The following TDRD1 variants were observed in gnomAD, a reference collection of about 807,000 sequenced individuals.
TDRD1 encodes the protein tudor domain containing 1.
In TDRD1, 37 loss-of-function variants were observed where a neutral mutation model predicts 140.6. The ratio of observed to expected loss-of-function variants is 0.26; its 90% confidence interval spans 0.20 to 0.35. The LOEUF is 0.35. Among genes scored for constraint, TDRD1 ranks in the 10% least tolerant of loss-of-function variants. The pLI is 1.00. For missense variants in TDRD1, 1,243 were observed against 1,393.0 expected (o/e 0.89, Z 1.71); for synonymous variants, 506 against 475.7 (o/e 1.06, Z -0.83).
Position 114,198,486 on chromosome 10 carries a change from C to T in TDRD1, c.385-687C>T, listed in dbSNP as rs543909682. 2.0e-5 allele frequency among the ~76,000 whole-genome samples: 3 copies of T among 152,226 alleles called. No individual in the cohort carries two copies. The East Asian group carries it at 5.8e-4, about 29-fold the overall frequency. On this transcript the variant is annotated intron_variant, in intron 3 of 25. Transcript: ENST00000251864. Reference sequence around the variant, plus strand: ...CAGGTTGGGGCACCTCATTTGTAGCCTTGTGAGGGTGGAAATCTTGGCCCC... The same window carrying T: ...CAGGTTGGGGCACCTCATTTGTAGCTTTGTGAGGGTGGAAATCTTGGCCCC...
chr10:114,176,753 G>A (rs983166789), upstream of TDRD1, among the ~76,000 whole-genome samples: 9 of 152,048 alleles, frequency 5.9e-5, no homozygotes, highest in Admixed American at 2.6e-4. This position sits in a 1 kb window ranked among gnomAD's most constrained non-coding sequence, Gnocchi z 4.2. Context: ...TAGTCTGGGC[G>A]GCAGAGCAAG....
At chr10:114,217,444 T>C in intron 16 of TDRD1, 101 bp from the exon 17 acceptor site, 1 of 599,610 alleles carries the variant, frequency 1.7e-6, no homozygotes, top group Non-Finnish European at 2.9e-6. Context: ...GGGAGGTACC[T>C]GTCTTGATCA....
At chr10:114,194,929 T>C (rs2120351350) in intron 3 of TDRD1, among the ~76,000 whole-genome samples, 1 of 151,380 alleles carries the variant, frequency 6.6e-6, no homozygotes, top group South Asian at 2.1e-4. Context: ...CTGGCTTTTT[T>C]TTTTTTTTTC....
exon 10 of TDRD1, chr10:114,204,878 G>A (rs1321383107): frequency 6.3e-7 from 1 of 1,587,070 alleles, no homozygotes; most frequent in Non-Finnish European, 8.5e-7. Context: ...TGTAGAAGTT[G>A]AGCTGCCAAA....
At chr10:114,182,961 G>GGT (rs1473325242) in intron 1 of TDRD1, among the ~76,000 whole-genome samples, 2 of 152,114 alleles carry the variant, frequency 1.3e-5, no homozygotes, top group Non-Finnish European at 2.9e-5. Flanking sequence ...TGGGATTACA[G>GGT]GTGTGAGCCA....
intron 3 of TDRD1, among the ~76,000 whole-genome samples, chr10:114,194,881 C>T (rs1358151891): frequency 2.7e-5 from 4 of 149,928 alleles, no homozygotes; most frequent in African/African-American, 4.9e-5. Context: ...TGCTGAGCCT[C>T]CTGGAGTAAT....
rs181081383 is a variant in TDRD1, at chr10:114,186,880, C to T, written c.-6-946C>T. ...AAATGAGATAATAAGTTGTAGGACA[C>T]CAACTGCTATTTATTTTTTTTCTAT... On this transcript the variant is annotated intron_variant, in intron 1 of 25. Coordinates refer to ENST00000251864, the Ensembl canonical transcript of TDRD1. Among the ~76,000 whole-genome samples, 3 of 152,254 alleles carry T rather than the reference C, an allele frequency of 2.0e-5. No homozygotes were observed. The East Asian group carries it at 5.8e-4, about 29-fold the overall frequency.
At chr10:114,230,076 C>T (rs1179413906) in intron 25 of TDRD1, among the ~76,000 whole-genome samples, 2 of 152,128 alleles carry the variant, frequency 1.3e-5, no homozygotes, top group Non-Finnish European at 2.9e-5. Context: ...CGTGATCTGC[C>T]CTCCTCGGCC....
chr10:114,199,265 C>T, exon 4 of TDRD1: 3 of 1,613,996 alleles, frequency 1.9e-6, no homozygotes, highest in Non-Finnish European at 2.5e-6. Flanking sequence ...GGCTCTTCAC[C>T]TCCTTAGGAC....
intron 3 of TDRD1, 49 bp downstream of exon 3, chr10:114,191,068 C>A: frequency 4.5e-6 from 7 of 1,552,974 alleles, no homozygotes; most frequent in Non-Finnish European, 6.2e-6. Context: ...AGATTCTAAA[C>A]ATGTTTTATT....
intron 2 of TDRD1, among the ~76,000 whole-genome samples, chr10:114,188,649 G>C (rs918122128): frequency 6.6e-6 from 1 of 152,092 alleles, no homozygotes; most frequent in South Asian, 2.1e-4. Context: ...ACGAGGTCAG[G>C]AGTTCGAGAC....
rs879285624 is a variant in TDRD1, at chr10:114,203,257, G to A, written c.801+81G>A. The stretch of plus-strand genomic sequence containing the variant: ...TCGTTTCCTATTTTTGAGTTCATGC[G>A]GTAGCTACAAAACATAAACATTGCA... On this transcript the variant is annotated intron_variant, in intron 7 of 25. Transcript: ENST00000251864. The A allele has an allele frequency of 1.7e-5, 25 of 1,475,398 alleles. No homozygotes were observed. The South Asian group carries it at 2.2e-4, about 13-fold the overall frequency. The allele number at this position is 1,475,398 out of a possible 1,614,324, so 91.4% of individuals were successfully genotyped here. A position where few individuals can be genotyped will look rare whatever the true frequency, so the allele number is the denominator to read the frequency against.
At position 114,211,856 on chromosome 10, in the gene TDRD1, C is replaced by A. The variant is rs1044270053; in HGVS notation, c.1661-10C>A. 12 of 1,510,752 alleles carry A rather than the reference C, an allele frequency of 7.9e-6. No homozygotes were observed. Among genetic ancestry groups the A allele is most frequent in the Non-Finnish European group, 9.7e-6 (11 of 1,137,408 alleles). The allele number at this position is 1,510,752 out of a possible 1,614,324, so 93.6% of individuals were successfully genotyped here. A position where few individuals can be genotyped will look rare whatever the true frequency, so the allele number is the denominator to read the frequency against. On this transcript the variant is annotated splice_polypyrimidine_tract_variant and intron_variant, in intron 13 of 25. Transcript: ENST00000251864. The stretch of plus-strand genomic sequence containing the variant: ...AAAATCATTTGAGATTGAGTCTCTC[C>A]CTTTTTCAGAGGATGATCAGTGGTA...
intron 5 of TDRD1, 74 bp downstream of exon 5, chr10:114,201,589 A>G (rs1260467453): frequency 8.0e-7 from 1 of 1,246,054 alleles, no homozygotes; most frequent in East Asian, 2.3e-5. Flanking sequence ...CCAATTAGTT[A>G]AGCAGACCAC....
intron 11 of TDRD1, 23 bp from the exon 12 acceptor site, chr10:114,210,558 T>C: frequency 6.5e-7 from 1 of 1,544,750 alleles, no homozygotes; most frequent in Middle Eastern, 1.9e-4. Flanking sequence ...AAATGGCTTA[T>C]TTTTCTGTTT....
intron 1 of TDRD1, among the ~76,000 whole-genome samples, chr10:114,183,104 A>G (rs1450114559): frequency 1.3e-5 from 2 of 152,228 alleles, no homozygotes; most frequent in African/African-American, 4.8e-5. Context: ...CAGGCAACTT[A>G]AAATAATTTA....
chr10:114,229,693 C>T (rs1187228506), intron 25 of TDRD1, among the ~76,000 whole-genome samples: 3 of 150,380 alleles, frequency 2.0e-5, no homozygotes, highest in Admixed American at 1.3e-4. Flanking sequence ...GGACTACAGG[C>T]GCACACTGCC....
At chr10:114,209,343 T>TG (rs1010295706) in intron 11 of TDRD1, among the ~76,000 whole-genome samples, 4 of 152,202 alleles carry the variant, frequency 2.6e-5, no homozygotes, top group African/African-American at 9.7e-5. Flanking sequence ...ACTGGTCCAG[T>TG]GGGTTACCTT....
rs551015407 is a variant in TDRD1, at chr10:114,214,769, G to A, written c.2212+655G>A. On this transcript the variant is annotated intron_variant, in intron 16 of 25. Coordinates refer to ENST00000251864, the Ensembl canonical transcript of TDRD1. Reference sequence around the variant, plus strand: ...TTTTTTTTCATTGAGATGGAGTCTCGCTCTGTTGCCCAGGCCTGAGTGCAG... The same window carrying A: ...TTTTTTTTCATTGAGATGGAGTCTCACTCTGTTGCCCAGGCCTGAGTGCAG... 4.8e-5 allele frequency among the ~76,000 whole-genome samples: 7 copies of A among 145,600 alleles called. No individual in the cohort carries two copies. The East Asian group carries it at 1.4e-3, about 29-fold the overall frequency.
Sources: allele counts gnomAD v4.1 joint callset (sites outside exome capture counted in the v4.1 genomes callset), GRCh38; gene constraint gnomAD v4.1.1; non-coding constraint Gnocchi (gnomAD v3.1); transcripts MANE v1.5; gene names NCBI Gene and HGNC (gene_info 2026-07-23, HGNC 2026-07-21).